CRYBG3: variants seen among roughly 807,000 people sequenced by gnomAD.
CRYBG3 encodes the protein very large A-kinase anchor protein.
A neutral mutation model predicts 244.2 loss-of-function variants in CRYBG3; 127 were observed. That is an observed-to-expected ratio of 0.52 (90% CI 0.45 to 0.60). CRYBG3 has a LOEUF of 0.60. CRYBG3 is among the 20% of genes least tolerant of loss of function. The probability of loss-of-function intolerance (pLI) is 0.00; values close to 1 mark genes in which losing one functional copy is unlikely to be tolerated. For synonymous variants in CRYBG3, 1,132 were observed against 1,195.8 expected (o/e 0.95, Z 1.10); for missense variants, 3,325 against 3,442.5 (o/e 0.97, Z 0.85).
intron 1 of CRYBG3, among the ~76,000 whole-genome samples, chr3:97,827,457 G>A (rs924420775): frequency 5.3e-5 from 8 of 152,222 alleles, no homozygotes; most frequent in African/African-American, 1.9e-4. Flanking sequence ...ACGTGGCCAA[G>A]TAATGGTACA....
rs1330292365 is a variant in CRYBG3 at position 97,872,686 on chromosome 3, A to G, written c.1492A>G (p.Arg498Gly). Residue 498 changes from arginine (R) to glycine (G), a missense_variant, in exon 4 of 22, where the codon AGA becomes GGA. Transcript: ENST00000389622. ...ATHTNIIALQ[R>G]HAVTDTEFVN... The stretch of plus-strand genomic sequence containing the variant: ...TCACACCAATATCATTGCTCTTCAG[A>G]GACATGCTGTGACAGACACAGAATT... 6.5e-7 allele frequency: 1 copy of G among 1,535,882 alleles called. No individual in the cohort carries two copies. Among genetic ancestry groups the G allele is most frequent in the Non-Finnish European group, 8.7e-7 (1 of 1,146,818 alleles).
At chr3:97,826,987 T>C (rs573212034) in intron 1 of CRYBG3, among the ~76,000 whole-genome samples, 7 of 152,294 alleles carry the variant, frequency 4.6e-5, no homozygotes, top group African/African-American at 1.7e-4. Context: ...CCAAGCATGG[T>C]TTGGTTAGCT....
chr3:97,900,630 CAGA>C (rs2039696406), intron 15 of CRYBG3, 145 bp downstream of exon 15: 2 of 600,456 alleles, frequency 3.3e-6, no homozygotes, highest in Non-Finnish European at 6.0e-6. Flanking sequence ...TACCTATGAG[CAGA>C]AGAATTCACA....
chr3:97,893,564 G>A (rs1339048252), intron 11 of CRYBG3, among the ~76,000 whole-genome samples: 1 of 152,244 alleles, frequency 6.6e-6, no homozygotes, highest in African/African-American at 2.4e-5. Flanking sequence ...CCCCAAATCT[G>A]TGATGGGCCT....
At chr3:97,833,521 A>G (rs1441037423) in intron 1 of CRYBG3, among the ~76,000 whole-genome samples, 3 of 152,086 alleles carry the variant, frequency 2.0e-5, no homozygotes, top group Admixed American at 6.5e-5. Context: ...ATGAGAACAC[A>G]TGGACACAGG....
chr3:97,885,359 T>G (rs1015740989), intron 7 of CRYBG3, among the ~76,000 whole-genome samples: 4 of 152,150 alleles, frequency 2.6e-5, no homozygotes, highest in African/African-American at 9.6e-5. Flanking sequence ...TTGTTCAGTC[T>G]CTTATAAATG....
rs115192461 is a variant in CRYBG3 at position 97,875,489 on chromosome 3, C to T, written c.4295C>T (p.Ser1432Leu). The change falls in exon 4 of 22, where the codon TCA becomes TTA. Residue 1432 changes from serine to leucine, a missense_variant. This residue lies in a region of CRYBG3 where 635 missense variants were observed against 771.7 expected (regional missense o/e 0.82). Coordinates refer to ENST00000389622, the MANE Select transcript of CRYBG3 (RefSeq NM_153605.4). Reference protein sequence around the residue: ...SDTVLLAEDMSHKRLDDRVKT... With the variant: ...SDTVLLAEDMLHKRLDDRVKT... Reference sequence around the variant, plus strand: ...ACGGTTTTACTAGCTGAAGACATGTCACATAAACGGTTAGATGATAGGGTA... The same window carrying T: ...ACGGTTTTACTAGCTGAAGACATGTTACATAAACGGTTAGATGATAGGGTA... 2.4e-3 allele frequency: 3,088 copies of T among 1,298,622 alleles called. 42 individuals are homozygous for T. In the African/African-American group the frequency reaches 0.04, roughly 17 times the overall value. 80.4% of individuals were successfully genotyped at this position (1,298,622 alleles called of 1,614,324 possible). A position where few individuals can be genotyped will look rare whatever the true frequency, so the allele number is the denominator to read the frequency against.
intron 17 of CRYBG3, among the ~76,000 whole-genome samples, chr3:97,916,464 A>T (rs1337181223): frequency 6.6e-6 from 1 of 152,162 alleles, no homozygotes; most frequent in Non-Finnish European, 1.5e-5. Context: ...TCACAACTCC[A>T]GGACATCAAT....
intron 15 of CRYBG3, among the ~76,000 whole-genome samples, chr3:97,903,587 A>G (rs1462206223): frequency 1.3e-5 from 2 of 152,184 alleles, no homozygotes; most frequent in Admixed American, 1.3e-4. Flanking sequence ...CAGGGAAGAA[A>G]GTTTCTCATA....
At chr3:97,848,153 A>G (rs918987891) in intron 2 of CRYBG3, among the ~76,000 whole-genome samples, 1 of 152,210 alleles carries the variant, frequency 6.6e-6, no homozygotes, top group African/African-American at 2.4e-5. Flanking sequence ...CTCTTTCCTT[A>G]TTAGGTTTTC....
intron 1 of CRYBG3, among the ~76,000 whole-genome samples, chr3:97,822,677 C>T (rs547912411): frequency 5.3e-5 from 8 of 152,348 alleles, no homozygotes; most frequent in Admixed American, 2.6e-4. Flanking sequence ...GTTCCACACA[C>T]GCTCTACTCT....
chr3:97,848,290 C>A (rs773437070), intron 2 of CRYBG3, among the ~76,000 whole-genome samples: 1 of 151,936 alleles, frequency 6.6e-6, no homozygotes, highest in Non-Finnish European at 1.5e-5. Flanking sequence ...TGCTTGCTAT[C>A]TTTGTTTGTT....
At chr3:97,889,441 A>G in intron 10 of CRYBG3, 51 bp downstream of exon 10, 1 of 1,376,064 alleles carries the variant, frequency 7.3e-7, no homozygotes, top group Non-Finnish European at 1.0e-6. Flanking sequence ...CAGGATTAAT[A>G]TTTATTCCAA....
At chr3:97,904,901 A>C (rs1187264509) in intron 15 of CRYBG3, among the ~76,000 whole-genome samples, 14 of 70,890 alleles carry the variant, frequency 2.0e-4, no homozygotes, top group African/African-American at 5.8e-4. Flanking sequence ...CCCCCACCCC[A>C]TGACAGTCCC....
At chr3:97,895,272 T>A (rs935794949) in intron 11 of CRYBG3, among the ~76,000 whole-genome samples, 4 of 152,148 alleles carry the variant, frequency 2.6e-5, no homozygotes, top group Middle Eastern at 3.2e-3. Flanking sequence ...AAAAGGTAAG[T>A]TTTATGGAGG....
At chr3:97,858,843 G>T (rs1376496519) in intron 2 of CRYBG3, among the ~76,000 whole-genome samples, 1 of 152,034 alleles carries the variant, frequency 6.6e-6, no homozygotes, top group Non-Finnish European at 1.5e-5. Context: ...TGTTACTGGA[G>T]AATTACTGTA....
rs1400266386 is a variant in CRYBG3, at chr3:97,872,746, TCA to T, written c.1555_1556del (p.Gln519GlufsTer6). On this transcript the variant is annotated frameshift_variant, in exon 4 of 22. Coordinates refer to ENST00000389622, the MANE Select transcript of CRYBG3 (RefSeq NM_153605.4). LOFTEE classifies it high-confidence loss of function. ...NEGKRLSAQD[S>X]QKNVAVREIR... ...AGGAAAGAGATTGTCTGCCCAAGAC[TCA>T]CAGAAAAATGTGGCTGTTAGAGAAA... 2.6e-6 allele frequency: 4 copies of T among 1,535,842 alleles called. No individual in the cohort carries two copies. Among genetic ancestry groups the T allele is most frequent in the African/African-American group, 1.4e-5 (1 of 73,032 alleles).
chr3:97,899,260 A>G lies in CRYBG3; in HGVS notation c.7968A>G (p.Gln2656=), dbSNP rs750213616. 1.2e-6 allele frequency: 2 copies of G among 1,611,610 alleles called. No individual in the cohort carries two copies. Among genetic ancestry groups the G allele is most frequent in the East Asian group, 2.2e-5 (1 of 44,850 alleles). Residue 2656 remains glutamine, a synonymous_variant, in exon 14 of 22, where the codon CAA becomes CAG. Transcript: ENST00000389622. ...TAATCATGTCGATACGGCCAATCCAACTGGTGAGTGAAGTATGAACATAGC... is the reference window on the plus strand; with the variant it reads ...TAATCATGTCGATACGGCCAATCCAGCTGGTGAGTGAAGTATGAACATAGC... ...NNIIMSIRPI[Q]LEPLGINEPP... is the part of the protein sequence containing the mutation.
In CRYBG3 at chr3:97,941,162, C is replaced by T; in HGVS notation, c.8520C>T (p.Ile2840=). 6.2e-7 allele frequency: 1 copy of T among 1,609,664 alleles called. No individual in the cohort carries two copies. Among genetic ancestry groups the T allele is most frequent in the South Asian group, 1.1e-5 (1 of 90,506 alleles). Residue 2840 remains isoleucine (I), a synonymous_variant, in exon 20 of 22, where the codon ATC becomes ATT. Transcript: ENST00000389622. ...TCCTGTCATAGCCTGCAGTGTACATCAGAATAAAGAACCGTGCCCAGGGTG... is the reference window on the plus strand; with the variant it reads ...TCCTGTCATAGCCTGCAGTGTACATTAGAATAAAGAACCGTGCCCAGGGTG... ...LRPMKQPAVY[I]RIKNRAQGEY...
Sources: allele counts gnomAD v4.1 joint callset (sites outside exome capture counted in the v4.1 genomes callset), GRCh38; gene constraint gnomAD v4.1.1; regional missense constraint gnomAD v4.1.1; transcripts MANE v1.5; gene names NCBI Gene and HGNC (gene_info 2026-07-23, HGNC 2026-07-21).